ZNF875: variants seen among roughly 807,000 people sequenced by gnomAD.
ZNF875 encodes HKR1, GLI-Kruppel zinc finger family member.
ZNF875 carries 14 observed loss-of-function variants against 11.2 expected under a neutral mutation model. The observed-to-expected ratio is 1.26, with a 90% confidence interval of 0.83 to 1.96. ZNF875 has a LOEUF of 1.96. Ranked by LOEUF, ZNF875 falls within the 30% of genes most tolerant of loss-of-function variation. The pLI is 0.00. For synonymous variants in ZNF875, 301 were observed against 281.1 expected (o/e 1.07, Z -0.71); for missense variants, 752 against 760.4 (o/e 0.99, Z 0.13).
chr19:37,357,849 A>AT (rs2039177145), intron 4 of ZNF875: 2 of 396,770 alleles, frequency 5.0e-6, no homozygotes, highest in South Asian at 1.3e-4. Flanking sequence ...CTCTTTTCCT[A>AT]TTTGGATGCC....
chr19:37,351,403 G>A (rs191048533), intron 4 of ZNF875, among the ~76,000 whole-genome samples: 1 of 152,182 alleles, frequency 6.6e-6, no homozygotes, highest in East Asian at 1.9e-4. Context: ...TTGATTTTCT[G>A]TAGTATTAAT....
chr19:37,318,255 C>A (rs184960991), intron 1 of ZNF875: 2 of 152,450 alleles, frequency 1.3e-5, no homozygotes, highest in African/African-American at 4.8e-5. Flanking sequence ...TGTTTTGTTG[C>A]AGAACGCCTC....
At chr19:37,329,234 C>T (rs1568570016) in intron 4 of ZNF875, 1 of 152,180 alleles carries the variant, frequency 6.6e-6, no homozygotes, top group South Asian at 2.1e-4. Context: ...TCTAGTCCCT[C>T]TTATTTGAAG....
intron 4 of ZNF875, among the ~76,000 whole-genome samples, chr19:37,348,699 C>G (rs1452275017): frequency 6.6e-6 from 1 of 152,126 alleles, no homozygotes; most frequent in African/African-American, 2.4e-5. Flanking sequence ...AGTTACAGTT[C>G]TAACAGTGTA....
chr19:37,344,828 G>A (rs755338258), intron 2 of ZNF875: 32 of 1,130,784 alleles, frequency 2.8e-5, no homozygotes, highest in Middle Eastern at 2.1e-4. Flanking sequence ...TAGCTCCTTC[G>A]TGGGAGATTT....
intron 4 of ZNF875, among the ~76,000 whole-genome samples, chr19:37,324,639 T>C (rs2032101958): frequency 6.6e-6 from 1 of 152,214 alleles, no homozygotes; most frequent in African/African-American, 2.4e-5. Context: ...AAAGTACTGT[T>C]AGTGAGAAAT....
chr19:37,353,506 T>C (rs977262192), intron 4 of ZNF875, among the ~76,000 whole-genome samples: 2 of 152,220 alleles, frequency 1.3e-5, no homozygotes, highest in East Asian at 3.8e-4. Context: ...TCTGTCACAT[T>C]TCTTATGCTC....
upstream of ZNF875, chr19:37,334,543 C>T (rs2033876551): frequency 2.7e-6 from 1 of 367,748 alleles, no homozygotes; most frequent in South Asian, 2.0e-5. Flanking sequence ...GTGGGCAAAG[C>T]CGACTTCTCC....
intron 2 of ZNF875, among the ~76,000 whole-genome samples, chr19:37,338,721 C>T (rs1159243525): frequency 6.6e-6 from 1 of 152,212 alleles, no homozygotes; most frequent in Non-Finnish European, 1.5e-5. Context: ...ATGAAGGAAT[C>T]ACAACCTTAA....
At chr19:37,336,642 C>G (rs1231294119) in intron 2 of ZNF875, among the ~76,000 whole-genome samples, 1 of 151,724 alleles carries the variant, frequency 6.6e-6, no homozygotes, top group Non-Finnish European at 1.5e-5. Flanking sequence ...GGCGTGGTGG[C>G]TCAGGCCTGT....
chr19:37,337,449 A>G (rs897063102), intron 2 of ZNF875: 1 of 152,170 alleles, frequency 6.6e-6, no homozygotes, highest in African/African-American at 2.4e-5. Context: ...TAAGGACTTA[A>G]GGGGAAGCGT....
chr19:37,331,262 T>G (rs1335441362), upstream of ZNF875, among the ~76,000 whole-genome samples: 28 of 129,012 alleles, frequency 2.2e-4, no homozygotes, highest in Non-Finnish European at 1.1e-4. Context: ...AGAGTCTCGC[T>G]CTTGTTGCCA....
At chr19:37,354,894 A>G (rs1028590426) in intron 4 of ZNF875, among the ~76,000 whole-genome samples, 3 of 152,226 alleles carry the variant, frequency 2.0e-5, no homozygotes, top group Admixed American at 2.0e-4. Flanking sequence ...GACCATCACC[A>G]AATGGGCTAC....
At chr19:37,351,259 T>C (rs1235318060) in intron 4 of ZNF875, among the ~76,000 whole-genome samples, 1 of 152,234 alleles carries the variant, frequency 6.6e-6, no homozygotes, top group African/African-American at 2.4e-5. Context: ...CAAATTTCTT[T>C]AAAAGTGTGT....
chr19:37,321,637 C>T (rs1049074143), intron 1 of ZNF875, among the ~76,000 whole-genome samples: 4 of 152,118 alleles, frequency 2.6e-5, no homozygotes, highest in African/African-American at 4.8e-5. Flanking sequence ...CCGTCCCACC[C>T]GACAAGAAAC....
chr19:37,323,191 T>G (rs2031820955), intron 2 of ZNF875, among the ~76,000 whole-genome samples: 1 of 151,834 alleles, frequency 6.6e-6, no homozygotes, highest in Non-Finnish European at 1.5e-5. Flanking sequence ...TCTCACTCTG[T>G]TTCCCAGGCT....
rs773797759 is a variant in ZNF875, at chr19:37,362,976, T to G, written c.1124T>G (p.Phe375Cys). 3.1e-6 allele frequency: 5 copies of G among 1,614,026 alleles called. No individual in the cohort carries two copies. Among genetic ancestry groups the G allele is most frequent in the Non-Finnish European group, 4.2e-6 (5 of 1,180,016 alleles). The change falls in exon 5 of 5, where the codon TTT (phenylalanine) becomes TGT (cysteine). Residue 375 changes from phenylalanine (F) to cysteine (C), a missense_variant. Coordinates refer to ENST00000392153, the MANE Select transcript of ZNF875 (RefSeq NM_001353803.2). ...GTTTGCAGGGAATGTGGGCGTGGCT[T>G]TCGCCAGCATTCACACCTGGTCAGA... Reference protein sequence around the residue: ...PYVCRECGRGFRQHSHLVRHK... With the variant: ...PYVCRECGRGCRQHSHLVRHK...
At chr19:37,357,831 T>A (rs151061602) in intron 4 of ZNF875, 2 of 395,802 alleles carry the variant, frequency 5.1e-6, no homozygotes, top group East Asian at 7.2e-5. Context: ...CAGAGATAAT[T>A]TGACTCCCTC....
intron 4 of ZNF875, chr19:37,325,144 T>G (rs766756893): frequency 6.6e-6 from 1 of 152,240 alleles, no homozygotes; most frequent in African/African-American, 2.4e-5. Flanking sequence ...TTTTTCACAT[T>G]TTTATAAAGC....
Sources: allele counts gnomAD v4.1 joint callset (sites outside exome capture counted in the v4.1 genomes callset), GRCh38; gene constraint gnomAD v4.1.1; transcripts MANE v1.5; gene names NCBI Gene and HGNC (gene_info 2026-07-23, HGNC 2026-07-21).